Variants in PON3 observed in about 807,000 individuals in gnomAD.
PON3 encodes the protein serum paraoxonase/lactonase 3.
PON3 carries 37 observed loss-of-function variants against 36.3 expected under a neutral mutation model. The ratio of observed to expected loss-of-function variants is 1.02; its 90% CI spans 0.78 to 1.34. The LOEUF (loss-of-function observed/expected upper bound fraction) is 1.34. Ranked by LOEUF, PON3 falls within the 40% of genes most tolerant of loss-of-function variation. PON3 has a pLI of 0.00. For synonymous variants in PON3, 155 were observed against 154.8 expected (o/e 1.00, Z -0.01); for missense variants, 415 against 426.5 (o/e 0.97, Z 0.24).
chr7:95,376,619 A>G (rs992142646), intron 3 of PON3, among the ~76,000 whole-genome samples: 1 of 151,766 alleles, frequency 6.6e-6, no homozygotes, highest in Non-Finnish European at 1.5e-5. Flanking sequence ...GCAATGATTC[A>G]GAACTTTTAG....
intron 2 of PON3, among the ~76,000 whole-genome samples, chr7:95,390,439 T>C (rs1290375780): frequency 6.6e-6 from 1 of 152,190 alleles, no homozygotes; most frequent in Non-Finnish European, 1.5e-5. Flanking sequence ...GAACCCCATT[T>C]TCAGGAGAAA....
intron 3 of PON3, among the ~76,000 whole-genome samples, chr7:95,373,871 A>C (rs889099230): frequency 3.9e-5 from 6 of 152,136 alleles, no homozygotes; most frequent in Non-Finnish European, 7.3e-5. Flanking sequence ...GTAGCCTGTA[A>C]GGAGCTGGGC....
intron 4 of PON3, among the ~76,000 whole-genome samples, chr7:95,368,340 T>A (rs1808740877): frequency 6.6e-6 from 1 of 152,168 alleles, no homozygotes; most frequent in South Asian, 2.1e-4. Context: ...AGATGCAAAA[T>A]TCATAACCAG....
intron 8 of PON3, among the ~76,000 whole-genome samples, chr7:95,361,134 G>A (rs1398261497): frequency 6.6e-5 from 10 of 152,044 alleles, no homozygotes; most frequent in African/African-American, 2.2e-4. Flanking sequence ...CACTCTTAGG[G>A]GTACATATCT....
At chr7:95,387,715 C>G (rs1381705835) in intron 3 of PON3, among the ~76,000 whole-genome samples, 1 of 152,168 alleles carries the variant, frequency 6.6e-6, no homozygotes, top group Non-Finnish European at 1.5e-5. Flanking sequence ...GGCATCATTG[C>G]TACCTGACTT....
At chr7:95,387,665 C>T (rs1809227835) in intron 3 of PON3, among the ~76,000 whole-genome samples, 1 of 152,132 alleles carries the variant, frequency 6.6e-6, no homozygotes, top group African/African-American at 2.4e-5. Context: ...TAAGGGCCCG[C>T]ATAGCCAAGA....
At chr7:95,378,562 C>T in intron 3 of PON3, among the ~76,000 whole-genome samples, 1 of 152,106 alleles carries the variant, frequency 6.6e-6, no homozygotes, top group Admixed American at 6.6e-5. Context: ...TCTCTCGGCA[C>T]AAACCCTACA....
rs537563409 is a variant in PON3, at chr7:95,390,253, T to C, written c.146-44A>G. ...ATCAGAAAAATGCATATATGAAGGC[T>C]TAAAAAATACGTCTCACAGTCCAAA... On this transcript the variant is annotated intron_variant, in intron 2 of 8. Coordinates refer to ENST00000265627, the MANE Select transcript of PON3 (RefSeq NM_000940.3). The C allele has an allele frequency of 8.2e-6, 12 of 1,455,288 alleles. No individual in the cohort carries two copies. In the African/African-American group the frequency reaches 1.5e-4, roughly 19 times the overall value. The allele number at this position is 1,455,288 out of a possible 1,614,324, so 90.1% of individuals were successfully genotyped here.
At chr7:95,383,300 G>C (rs1054467897) in intron 3 of PON3, among the ~76,000 whole-genome samples, 3 of 152,186 alleles carry the variant, frequency 2.0e-5, no homozygotes, top group African/African-American at 7.2e-5. Flanking sequence ...CACAAGACAG[G>C]GATGCCCTCT....
intron 3 of PON3, among the ~76,000 whole-genome samples, chr7:95,384,380 T>G (rs111764939): frequency 0.012 from 1,750 of 152,172 alleles, 30 homozygotes; most frequent in African/African-American, 0.04. Flanking sequence ...AAAGAGCTTC[T>G]GCATAGCAAA....
At position 95,367,480 on chromosome 7, in the gene PON3, C is replaced by T. The variant is rs1304839545; in HGVS notation, c.376G>A (p.Val126Met). ...ISIFIDKDNT[V>M]YLYVVNHPHM... ...GGATGATTCACAACATAAAGATACA[C>T]AGTATTGTCTACATGGAAAAAAGGG... is the stretch of plus-strand genomic sequence containing the variant. The change falls in exon 5 of 9, where the codon GTG (valine) becomes ATG (methionine). Residue 126 changes from valine (V) to methionine (M), a missense_variant. Val to Met is a conservative substitution (Grantham distance 21). Coordinates refer to ENST00000265627, the MANE Select transcript of PON3 (RefSeq NM_000940.3). The T allele has an allele frequency of 6.8e-6, 11 of 1,612,822 alleles. No individual in the cohort carries two copies. Among genetic ancestry groups the T allele is most frequent in the African/African-American group, 1.3e-5 (1 of 74,842 alleles).
At position 95,362,437 on chromosome 7, in the gene PON3, T is replaced by A. The variant is rs947242351; in HGVS notation, c.831A>T (p.Gly277=). The change falls in exon 8 of 9, where the codon GGA becomes GGT. Residue 277 remains glycine, a synonymous_variant. Coordinates refer to ENST00000265627, the MANE Select transcript of PON3 (RefSeq NM_000940.3). ...VDNLTVDPAT[G]DILAGCHPNP... ...TAGGATGGCATCCTGCCAAAATGTC[T>A]CCTGTGGCAGGATCGACAGTCAGGT... is the stretch of plus-strand genomic sequence containing the variant. 8 of 1,613,576 alleles carry A rather than the reference T, an allele frequency of 5.0e-6. No individual in the cohort carries two copies. The African/African-American group carries it at 8.0e-5, about 16-fold the overall frequency.
chr7:95,388,896 A>G (rs1809258473), intron 3 of PON3, among the ~76,000 whole-genome samples: 1 of 152,172 alleles, frequency 6.6e-6, no homozygotes, highest in Non-Finnish European at 1.5e-5. Flanking sequence ...CAATGAGAAC[A>G]CATAAACACA....
chr7:95,389,350 T>A (rs537439491), intron 3 of PON3, among the ~76,000 whole-genome samples: 6 of 152,272 alleles, frequency 3.9e-5, no homozygotes, highest in African/African-American at 1.2e-4. Context: ...GCCAAAAATA[T>A]TTAAATTCAA....
At chr7:95,370,631 T>C (rs1033428624) in intron 4 of PON3, among the ~76,000 whole-genome samples, 1 of 152,222 alleles carries the variant, frequency 6.6e-6, no homozygotes, top group Non-Finnish European at 1.5e-5. Context: ...TGGTTACTGT[T>C]AGTGAAGTTT....
chr7:95,384,753 C>A (rs1809148558), intron 3 of PON3, among the ~76,000 whole-genome samples: 1 of 152,184 alleles, frequency 6.6e-6, no homozygotes, highest in African/African-American at 2.4e-5. Flanking sequence ...GCTGGTGGGA[C>A]TGTAAACTAG....
chr7:95,363,777 TA>T, intron 6 of PON3, 85 bp downstream of exon 6: 2 of 1,310,590 alleles, frequency 1.5e-6, no homozygotes, highest in Middle Eastern at 3.6e-4. Flanking sequence ...TACGTAAGCC[TA>T]AGTAAGGAAG....
chr7:95,379,269 A>T (rs972923288), intron 3 of PON3, among the ~76,000 whole-genome samples: 11 of 152,242 alleles, frequency 7.2e-5, no homozygotes, highest in Non-Finnish European at 1.3e-4. Context: ...TACAGCACCC[A>T]GCATGAGCGA....
intron 3 of PON3, among the ~76,000 whole-genome samples, chr7:95,388,741 A>G (rs866140194): frequency 2.0e-5 from 3 of 152,248 alleles, no homozygotes; most frequent in Admixed American, 6.5e-5. Flanking sequence ...CATATACACC[A>G]TGGAATACTA....
Sources: allele counts gnomAD v4.1 joint callset (sites outside exome capture counted in the v4.1 genomes callset), GRCh38; gene constraint gnomAD v4.1.1; transcripts MANE v1.5; gene names NCBI Gene and HGNC (gene_info 2026-07-23, HGNC 2026-07-21).